OR2V2: variants seen among roughly 807,000 people sequenced by gnomAD.
OR2V2 encodes olfactory receptor family 2 subfamily V member 2.
For synonymous variants in OR2V2, 161 were observed against 151.3 expected (o/e 1.06, Z -0.47); for missense variants, 392 against 392.2 (o/e 1.00, Z 0.00).
rs1763238621 is a variant in OR2V2 at position 181,154,989 on chromosome 5, T to C, written c.47T>C (p.Leu16Ser). 2 of 1,614,208 alleles carry C rather than the reference T, an allele frequency of 1.2e-6. No individual in the cohort carries two copies. The highest frequency in any genetic ancestry group is 1.1e-5 in the South Asian group (1 of 91,074). The change falls in exon 2 of 2, where the codon TTA becomes TCA. Residue 16 changes from leucine (L) to serine (S), a missense_variant. Leu to Ser is a moderately radical substitution (Grantham distance 145). Transcript: ENST00000641492. Reference sequence around the variant, plus strand: ...TCCTACACAGATGGCTTCTTCCTCTTAGGCATCTTCTCCCACAGTACTGCT... The same window carrying C: ...TCCTACACAGATGGCTTCTTCCTCTCAGGCATCTTCTCCCACAGTACTGCT... ...NQSYTDGFFLLGIFSHSTADL... is the reference protein window; with the variant it reads ...NQSYTDGFFLSGIFSHSTADL...
At chr5:181,154,838 A>G in intron 1 of OR2V2, 81 bp from the exon 2 acceptor site, 1 of 815,484 alleles carries the variant, frequency 1.2e-6, no homozygotes, top group South Asian at 1.5e-5. Flanking sequence ...AGTTGCACAC[A>G]ACACAGCTGA....
At chr5:181,153,059 C>G (rs2770959) in intron 1 of OR2V2, among the ~76,000 whole-genome samples, 1 of 152,054 alleles carries the variant, frequency 6.6e-6, no homozygotes, top group Admixed American at 6.6e-5. Context: ...GGTGCAGGCC[C>G]GGATGGCTAA....
chr5:181,150,588 A>G (rs968823192), intron 1 of OR2V2, among the ~76,000 whole-genome samples: 1 of 152,200 alleles, frequency 6.6e-6, no homozygotes, highest in South Asian at 2.1e-4. Context: ...ACTGAGTATC[A>G]CAGTGGGACC....
intron 1 of OR2V2, among the ~76,000 whole-genome samples, chr5:181,151,819 C>T (rs558765823): frequency 6.6e-6 from 1 of 151,868 alleles, no homozygotes; most frequent in East Asian, 1.9e-4. Context: ...AACCCTGTCT[C>T]TATGAAAAAT....
chr5:181,156,951 G>A lies in OR2V2; in HGVS notation c.*1061G>A, dbSNP rs1425603617. On this transcript the variant is annotated 3_prime_UTR_variant, in exon 2 of 2. Coordinates refer to ENST00000641492, the MANE Select transcript of OR2V2 (RefSeq NM_206880.2). ...GCTGTCTCCTCACCACGTCCTAGCAGTGTGTGCTGCTCTGTGTCAGCTCAG... is the reference window on the plus strand; with the variant it reads ...GCTGTCTCCTCACCACGTCCTAGCAATGTGTGCTGCTCTGTGTCAGCTCAG... The A allele has an allele frequency of 6.6e-6, 1 of 152,260 alleles. No individual in the cohort carries two copies. The highest frequency in any genetic ancestry group is 1.5e-5 in the Non-Finnish European group (1 of 68,050). The allele number at this position is 152,260 out of a possible 1,614,324, so 9.4% of individuals were successfully genotyped here. A position where few individuals can be genotyped will look rare whatever the true frequency, so the allele number is the denominator to read the frequency against.
rs764168620 is a variant in OR2V2 at position 181,155,592 on chromosome 5, C to A, written c.650C>A (p.Ala217Asp). Reference sequence around the variant, plus strand: ...CTCTTCCCATTCTCCATCATCGTGGCCTCCTATGCTCACATTCTAGGGACT... The same window carrying A: ...CTCTTCCCATTCTCCATCATCGTGGACTCCTATGCTCACATTCTAGGGACT... ...MLLFPFSIIV[A>D]SYAHILGTVL... Residue 217 changes from alanine (A) to aspartate (D), a missense_variant, in exon 2 of 2, where the codon GCC (alanine) becomes GAC (aspartate). By Grantham distance (126) the Ala-to-Asp change is moderately radical. Coordinates refer to ENST00000641492, the MANE Select transcript of OR2V2 (RefSeq NM_206880.2). The A allele has an allele frequency of 6.2e-7, 1 of 1,614,228 alleles. No homozygotes were observed. Among genetic ancestry groups the A allele is most frequent in the Non-Finnish European group, 8.5e-7 (1 of 1,180,048 alleles).
chr5:181,152,785 G>A (rs1033989576), intron 1 of OR2V2, among the ~76,000 whole-genome samples: 5 of 152,250 alleles, frequency 3.3e-5, no homozygotes, highest in Non-Finnish European at 5.9e-5. Flanking sequence ...ATGGCCACGT[G>A]GTGAGGCACC....
intron 1 of OR2V2, 114 bp downstream of exon 1, chr5:181,148,109 G>C (rs555648288): frequency 2.5e-6 from 1 of 395,778 alleles, no homozygotes; most frequent in South Asian, 1.4e-4. Flanking sequence ...TCCTCCTACT[G>C]TCTGCCTCCA....
intron 1 of OR2V2, among the ~76,000 whole-genome samples, chr5:181,150,833 C>A (rs76356070): frequency 0.032 from 4,925 of 152,156 alleles, 258 homozygotes; most frequent in East Asian, 0.24. Context: ...AAAAATTAGC[C>A]GAGCACGATG....
intron 1 of OR2V2, among the ~76,000 whole-genome samples, chr5:181,148,204 G>C (rs1372797946): frequency 6.6e-6 from 1 of 152,070 alleles, no homozygotes; most frequent in African/African-American, 2.4e-5. Flanking sequence ...TTGTTCCTTT[G>C]ACCCACTTCC....
At position 181,155,814 on chromosome 5, in the gene OR2V2, A is replaced by G; in HGVS notation, c.872A>G (p.Tyr291Cys). ...VLTPMLNPLI[Y>C]SLRNREVMGA... ...ACTCCCATGCTCAACCCCCTCATTTACAGCTTGAGGAACAGGGAGGTGATG... is the reference window on the plus strand; with the variant it reads ...ACTCCCATGCTCAACCCCCTCATTTGCAGCTTGAGGAACAGGGAGGTGATG... The change falls in exon 2 of 2, where the codon TAC becomes TGC. Residue 291 changes from tyrosine to cysteine, a missense_variant. Coordinates refer to ENST00000641492, the MANE Select transcript of OR2V2 (RefSeq NM_206880.2). 2 of 1,614,096 alleles carry G rather than the reference A, an allele frequency of 1.2e-6. No individual in the cohort carries two copies. The highest frequency in any genetic ancestry group is 2.2e-5 in the East Asian group (1 of 44,862).
rs374172644 is a variant in OR2V2 at position 181,154,937 on chromosome 5, C to A, written c.-6C>A. 4.4e-6 allele frequency: 7 copies of A among 1,603,218 alleles called. No individual in the cohort carries two copies. In the Admixed American group the frequency reaches 1.2e-4, roughly 27 times the overall value. Reference sequence around the variant, plus strand: ...TTCTCAGGTGACCAGGAGCAACAACCGAGCCATGGAGACGTGGGTGAACCA... The same window carrying A: ...TTCTCAGGTGACCAGGAGCAACAACAGAGCCATGGAGACGTGGGTGAACCA... On this transcript the variant is annotated 5_prime_UTR_variant, in exon 2 of 2. Coordinates refer to ENST00000641492, the MANE Select transcript of OR2V2 (RefSeq NM_206880.2).
chr5:181,148,484 A>G (rs989556678), intron 1 of OR2V2, among the ~76,000 whole-genome samples: 2 of 152,252 alleles, frequency 1.3e-5, no homozygotes, highest in African/African-American at 4.8e-5. Context: ...CTAAACACCC[A>G]GCAGAAAGGT....
chr5:181,151,154 G>A (rs1181995189), intron 1 of OR2V2, among the ~76,000 whole-genome samples: 1 of 152,080 alleles, frequency 6.6e-6, no homozygotes, highest in South Asian at 2.1e-4. Flanking sequence ...AAGATGCTCC[G>A]TGCAGAGGGA....
In OR2V2 at chr5:181,155,941, C is replaced by G. The variant is rs574843743; in HGVS notation, c.*51C>G. ...TGCCATCTCTTAGCTCCAGGGATGT[C>G]GGGTTAATAATTCTCTCATTTTCAG... On this transcript the variant is annotated 3_prime_UTR_variant, in exon 2 of 2. Coordinates refer to ENST00000641492, the MANE Select transcript of OR2V2 (RefSeq NM_206880.2). 6.7e-7 allele frequency: 1 copy of G among 1,496,618 alleles called. No individual in the cohort carries two copies. Among genetic ancestry groups the G allele is most frequent in the South Asian group, 1.2e-5 (1 of 80,860 alleles). The allele number at this position is 1,496,618 out of a possible 1,614,324, so 92.7% of individuals were successfully genotyped here.
At chr5:181,149,164 A>G (rs758763028) in intron 1 of OR2V2, among the ~76,000 whole-genome samples, 6 of 152,174 alleles carry the variant, frequency 3.9e-5, no homozygotes, top group Non-Finnish European at 5.9e-5. Flanking sequence ...TTGGGGATCA[A>G]TGCCATCCTC....
chr5:181,149,699 C>T (rs1582194692), intron 1 of OR2V2, among the ~76,000 whole-genome samples: 1 of 152,196 alleles, frequency 6.6e-6, no homozygotes, highest in Admixed American at 6.5e-5. Flanking sequence ...GAGATGGACA[C>T]GGCCCACAGT....
intron 1 of OR2V2, among the ~76,000 whole-genome samples, chr5:181,149,207 G>A (rs1763162834): frequency 6.6e-6 from 1 of 152,200 alleles, no homozygotes; most frequent in East Asian, 1.9e-4. Context: ...TGGCCAGGCG[G>A]GGGCTGGCAG....
At position 181,155,214 on chromosome 5, in the gene OR2V2, A is replaced by G. The variant is rs1457413562; in HGVS notation, c.272A>G (p.Lys91Arg). 6.2e-7 allele frequency: 1 copy of G among 1,614,026 alleles called. No individual in the cohort carries two copies. The highest frequency in any genetic ancestry group is 1.7e-5 in the Admixed American group (1 of 59,996). ...GCAGCCAACTTCCTGTCTGGCAGGA[A>G]GTCCATCTCCTTTGTGGGCTGTGGC... ...KMAANFLSGR[K>R]SISFVGCGIQ... The change falls in exon 2 of 2, where the codon AAG becomes AGG. Residue 91 changes from lysine (K) to arginine (R), a missense_variant. Transcript: ENST00000641492.
Sources: gnomAD v4.1 joint callset for allele counts (sites outside exome capture counted in the v4.1 genomes callset) on GRCh38, gnomAD v4.1.1 for gene constraint, MANE v1.5 for transcripts, NCBI Gene and HGNC (gene_info 2026-07-23, HGNC 2026-07-21) for gene names.